CHCHD3: variants seen among roughly 807,000 people sequenced by gnomAD.
The protein encoded by CHCHD3 is coiled-coil-helix-coiled-coil-helix domain containing 3.
CHCHD3 carries 20 observed loss-of-function variants against 38.2 expected under a neutral mutation model. The ratio of observed to expected loss-of-function variants is 0.52; its 90% CI spans 0.37 to 0.76. CHCHD3 has a LOEUF of 0.76. Among genes scored for constraint, CHCHD3 ranks in the 30% least tolerant of loss-of-function variants. The probability of loss-of-function intolerance (pLI) is 0.00; values close to 1 mark genes in which losing one functional copy is unlikely to be tolerated. For synonymous variants in CHCHD3, 82 were observed against 100.0 expected, an observed-to-expected ratio of 0.82 and a Z score of 1.07; for missense variants, 245 against 279.2, an observed-to-expected ratio of 0.88 and a Z score of 0.87.
At chr7:132,881,799 AT>A (rs2117168362) in intron 5 of CHCHD3, among the ~76,000 whole-genome samples, 1 of 152,304 alleles carries the variant, frequency 6.6e-6, no homozygotes, top group East Asian at 1.9e-4. Flanking sequence ...AGAATTCCTA[AT>A]AGAAATAGTT....
intron 2 of CHCHD3, among the ~76,000 whole-genome samples, chr7:133,061,176 A>G (rs1214095844): frequency 2.0e-5 from 3 of 152,066 alleles, no homozygotes; most frequent in Non-Finnish European, 4.4e-5. Context: ...TTTCTAACAG[A>G]GGAATGGCAT....
intron 4 of CHCHD3, among the ~76,000 whole-genome samples, chr7:132,899,939 T>G (rs1809622211): frequency 6.6e-6 from 1 of 152,244 alleles, no homozygotes; most frequent in South Asian, 2.1e-4. Flanking sequence ...ATGTGTATGT[T>G]CTTCTGCCAA....
intron 4 of CHCHD3, among the ~76,000 whole-genome samples, chr7:132,960,870 C>A (rs1210264240): frequency 1.3e-5 from 2 of 152,084 alleles, no homozygotes; most frequent in African/African-American, 4.8e-5. Flanking sequence ...CCCAGCTACT[C>A]AGGAGGCAGC....
At chr7:132,902,210 A>C (rs1809687129) in intron 4 of CHCHD3, among the ~76,000 whole-genome samples, 1 of 152,180 alleles carries the variant, frequency 6.6e-6, no homozygotes, top group Non-Finnish European at 1.5e-5. Context: ...ACACTTTTAC[A>C]CTGTTGGTGG....
intron 4 of CHCHD3, among the ~76,000 whole-genome samples, chr7:132,968,238 C>T (rs954510095): frequency 6.6e-6 from 1 of 152,160 alleles, no homozygotes; most frequent in Non-Finnish European, 1.5e-5. Flanking sequence ...AGCCCTAATA[C>T]CCTGCTAAAT....
chr7:133,054,823 G>A (rs2117507679), intron 2 of CHCHD3, among the ~76,000 whole-genome samples: 1 of 152,198 alleles, frequency 6.6e-6, no homozygotes, highest in East Asian at 1.9e-4. Context: ...TTTTTGAAGT[G>A]GAAAGTATTC....
chr7:133,015,913 C>T (rs1424390831), intron 3 of CHCHD3, among the ~76,000 whole-genome samples: 1 of 142,590 alleles, frequency 7.0e-6, no homozygotes, highest in Non-Finnish European at 1.5e-5. Flanking sequence ...GAAGTAGGCA[C>T]ATCTTTTATG....
chr7:132,986,424 G>GAAAAAAA (rs59151340), intron 3 of CHCHD3, among the ~76,000 whole-genome samples: 27 of 131,202 alleles, frequency 2.1e-4, no homozygotes, highest in East Asian at 1.1e-3. Context: ...AAAGAAAAAA[G>GAAAAAAA]AAAAAAAAAA....
At chr7:132,826,944 T>C (rs1244992701) in intron 6 of CHCHD3, among the ~76,000 whole-genome samples, 1 of 152,196 alleles carries the variant, frequency 6.6e-6, no homozygotes, top group Non-Finnish European at 1.5e-5. Flanking sequence ...AAAAGACTGA[T>C]TCTTTAAGAA....
At chr7:132,905,663 A>T (rs539759500) in intron 4 of CHCHD3, among the ~76,000 whole-genome samples, 1 of 152,240 alleles carries the variant, frequency 6.6e-6, no homozygotes, top group Non-Finnish European at 1.5e-5. Flanking sequence ...AAAAATAGAA[A>T]TCCTTAATAT....
At chr7:132,988,190 T>C (rs1158261601) in intron 3 of CHCHD3, among the ~76,000 whole-genome samples, 1 of 152,026 alleles carries the variant, frequency 6.6e-6, no homozygotes, top group South Asian at 2.1e-4. Context: ...ATAAGAAACT[T>C]ACCCATAGTC....
At chr7:133,016,985 C>T (rs1813049325) in intron 3 of CHCHD3, among the ~76,000 whole-genome samples, 2 of 152,186 alleles carry the variant, frequency 1.3e-5, no homozygotes, top group African/African-American at 4.8e-5. Flanking sequence ...CCAACAAATG[C>T]TATTTGGGTA....
intron 6 of CHCHD3, among the ~76,000 whole-genome samples, chr7:132,816,723 CAGA>C (rs1446927784): frequency 6.6e-6 from 1 of 152,182 alleles, no homozygotes; most frequent in Non-Finnish European, 1.5e-5. Context: ...TTCCAGGAAC[CAGA>C]AGACTTCCAG....
At chr7:132,787,976 G>A (rs1038417867) in intron 7 of CHCHD3, among the ~76,000 whole-genome samples, 1 of 152,142 alleles carries the variant, frequency 6.6e-6, no homozygotes, top group Admixed American at 6.5e-5. Context: ...AACTCATACT[G>A]GAATGTGAGG....
At chr7:132,950,268 A>T (rs1811005940) in intron 4 of CHCHD3, among the ~76,000 whole-genome samples, 1 of 152,156 alleles carries the variant, frequency 6.6e-6, no homozygotes, top group Non-Finnish European at 1.5e-5. Context: ...AGCATCATGC[A>T]ATATACCCAC....
intron 4 of CHCHD3, among the ~76,000 whole-genome samples, chr7:132,920,775 T>C (rs544377491): frequency 2.0e-5 from 3 of 152,210 alleles, no homozygotes; most frequent in Non-Finnish European, 2.9e-5. Context: ...CACTTAATTG[T>C]TGTATTGTTT....
At chr7:132,867,854 T>C (rs933969610) in intron 5 of CHCHD3, among the ~76,000 whole-genome samples, 2 of 152,326 alleles carry the variant, frequency 1.3e-5, no homozygotes, top group African/African-American at 4.8e-5. Context: ...GTACATTATA[T>C]AAAATAGGCT....
At chr7:132,936,291 A>T (rs1431684303) in intron 4 of CHCHD3, among the ~76,000 whole-genome samples, 1 of 152,208 alleles carries the variant, frequency 6.6e-6, no homozygotes, top group Non-Finnish European at 1.5e-5. Flanking sequence ...AGGGGATAAG[A>T]TCATTTTCAA....
At position 132,785,658 on chromosome 7, in the gene CHCHD3, G is replaced by T. The variant is rs147050556; in HGVS notation, c.663C>A (p.Ser221Arg). ...GTTTTTATCCTCCCTTCTCAAGCATGCTCTGCAAGAAAAACAGAAAGAGTA... is the reference window on the plus strand; with the variant it reads ...GTTTTTATCCTCCCTTCTCAAGCATTCTCTGCAAGAAAAACAGAAAGAGTA... ...YMHCVNHAKQ[S>R]MLEKGG Residue 221 changes from serine to arginine, a missense_variant and splice_region_variant, in exon 8 of 8, where the codon AGC becomes AGA. Physicochemically the swap from Ser to Arg is moderately radical, Grantham distance 110. Transcript: ENST00000262570. 2 of 1,613,988 alleles carry T rather than the reference G, an allele frequency of 1.2e-6. No homozygotes were observed. Among genetic ancestry groups the T allele is most frequent in the East Asian group, 4.5e-5 (2 of 44,854 alleles).
Sources: allele counts gnomAD v4.1 joint callset (sites outside exome capture counted in the v4.1 genomes callset), GRCh38; gene constraint gnomAD v4.1.1; transcripts MANE v1.5; gene names NCBI Gene and HGNC (gene_info 2026-07-23, HGNC 2026-07-21).